Variants in ADAMTSL1 observed in about 807,000 individuals in gnomAD.
ADAMTSL1 encodes the protein ADAMTS-like protein 1.
In ADAMTSL1, 126 loss-of-function variants were observed where a neutral mutation model predicts 201.8. The ratio of observed to expected loss-of-function variants is 0.62; its 90% CI spans 0.54 to 0.72. ADAMTSL1 has a LOEUF of 0.72. ADAMTSL1 is among the 30% of genes least tolerant of loss of function. ADAMTSL1 has a pLI of 0.00. For missense variants in ADAMTSL1, 2,679 were observed against 2,277.8 expected (o/e 1.18, Z -3.59); for synonymous variants, 1,121 against 903.4 (o/e 1.24, Z -4.32).
At chr9:18,072,177 A>G (rs1005660695) in intron 1 of ADAMTSL1, among the ~76,000 whole-genome samples, 12 of 152,208 alleles carry the variant, frequency 7.9e-5, no homozygotes, top group Admixed American at 7.9e-4. Flanking sequence ...TAGTTGCAAA[A>G]GCAAAAATGG....
intron 1 of ADAMTSL1, among the ~76,000 whole-genome samples, chr9:18,066,812 A>C (rs1226524251): frequency 1.3e-5 from 2 of 152,230 alleles, no homozygotes; most frequent in African/African-American, 4.8e-5. Context: ...CAGCCATAAA[A>C]AATGATGAGT....
At chr9:18,791,565 A>C (rs1180094950) in intron 19 of ADAMTSL1, among the ~76,000 whole-genome samples, 6 of 152,178 alleles carry the variant, frequency 3.9e-5, no homozygotes, top group Non-Finnish European at 8.8e-5. Flanking sequence ...TTCTACTTCA[A>C]ATCCTGACTC....
intron 27 of ADAMTSL1, 89 bp downstream of exon 27, chr9:18,905,980 C>A: frequency 1.7e-6 from 2 of 1,192,488 alleles, no homozygotes; most frequent in Non-Finnish European, 2.4e-6. Context: ...CTCCAACTAA[C>A]TTACCACAGT....
intron 2 of ADAMTSL1, among the ~76,000 whole-genome samples, chr9:18,405,990 T>A (rs1038739676): frequency 6.6e-6 from 1 of 152,230 alleles, no homozygotes; most frequent in African/African-American, 2.4e-5. Flanking sequence ...TAAACCTGGT[T>A]GCTTAGCTCT....
At chr9:18,164,539 C>A (rs1463987650) in intron 2 of ADAMTSL1, among the ~76,000 whole-genome samples, 1 of 151,620 alleles carries the variant, frequency 6.6e-6, no homozygotes, top group Non-Finnish European at 1.5e-5. Flanking sequence ...AGGCCTTTCT[C>A]TGCTTGCGAA....
At chr9:18,664,712 C>T (rs1417701795) in intron 9 of ADAMTSL1, among the ~76,000 whole-genome samples, 1 of 152,016 alleles carries the variant, frequency 6.6e-6, no homozygotes, top group East Asian at 1.9e-4. Flanking sequence ...CCTATCAAGG[C>T]TTGCATGTGT....
At chr9:18,820,250 C>G (rs964335431) in intron 21 of ADAMTSL1, among the ~76,000 whole-genome samples, 3 of 152,144 alleles carry the variant, frequency 2.0e-5, no homozygotes, top group African/African-American at 7.2e-5. Flanking sequence ...TTCTCCTAAT[C>G]CAAGGAGCCA....
rs41305317 is a variant in ADAMTSL1 at position 18,474,356 on chromosome 9, T to G, written c.63+61T>G. The G allele has an allele frequency of 7.0e-4, 1,012 of 1,442,612 alleles. 1 individual carries two copies. The highest frequency in any genetic ancestry group is 1.6e-3 in the Admixed American group (96 of 58,296). The allele number at this position is 1,442,612 out of a possible 1,614,324, so 89.4% of individuals were successfully genotyped here. ...CATTGAGTCTGGGTGCTGTTGGGGG[T>G]GTGTGTGTGTATGTGTGTTTGTGTG... On this transcript the variant is annotated intron_variant, in intron 1 of 28. Coordinates refer to ENST00000380548, the MANE Select transcript of ADAMTSL1 (RefSeq NM_001040272.6).
intron 2 of ADAMTSL1, among the ~76,000 whole-genome samples, chr9:18,291,315 A>G (rs10963559): frequency 0.46 from 69,378 of 152,010 alleles, 16,777 homozygotes; most frequent in South Asian, 0.68. Context: ...AATAAGTCAG[A>G]ACGCTTCAAT....
chr9:18,164,890 C>T (rs183095069), intron 2 of ADAMTSL1, among the ~76,000 whole-genome samples: 60 of 151,960 alleles, frequency 3.9e-4, no homozygotes, highest in African/African-American at 1.3e-3. Context: ...TCTTCATTGC[C>T]ATTCACAAGG....
intron 2 of ADAMTSL1, among the ~76,000 whole-genome samples, chr9:18,267,781 C>CAA (rs1331435629): frequency 4.3e-4 from 60 of 138,716 alleles, no homozygotes; most frequent in African/African-American, 1.4e-3. Flanking sequence ...AAAACAAAAA[C>CAA]AAAAACAAAA....
chr9:18,568,053 G>C (rs931022561), intron 3 of ADAMTSL1, among the ~76,000 whole-genome samples: 11 of 152,020 alleles, frequency 7.2e-5, no homozygotes, highest in African/African-American at 2.4e-4. Flanking sequence ...ATATCTTATT[G>C]TACTGTGCTC....
intron 15 of ADAMTSL1, among the ~76,000 whole-genome samples, chr9:18,726,611 A>T (rs1030044464): frequency 1.3e-5 from 2 of 152,282 alleles, no homozygotes; most frequent in Admixed American, 1.3e-4. Context: ...TTTAAAAAAA[A>T]AAGTGTATGA....
intron 1 of ADAMTSL1, among the ~76,000 whole-genome samples, chr9:18,041,930 AC>A (rs1226958633): frequency 6.6e-6 from 1 of 152,104 alleles, no homozygotes; most frequent in African/African-American, 2.4e-5. Flanking sequence ...TTGCATATCA[AC>A]CTGAGTGTCC....
At chr9:18,756,076 A>T (rs1198308005) in intron 16 of ADAMTSL1, among the ~76,000 whole-genome samples, 1 of 80,698 alleles carries the variant, frequency 1.2e-5, no homozygotes, top group Non-Finnish European at 2.6e-5. Context: ...CTCTACTGAA[A>T]ATATATATAT....
chr9:18,437,720 C>G (rs912989231), intron 2 of ADAMTSL1, among the ~76,000 whole-genome samples: 10 of 152,094 alleles, frequency 6.6e-5, no homozygotes, highest in African/African-American at 2.4e-4. Flanking sequence ...AAACAAAGCT[C>G]TTGACCCAGA....
chr9:18,537,605 C>T (rs375013366), intron 3 of ADAMTSL1, among the ~76,000 whole-genome samples: 19 of 152,232 alleles, frequency 1.2e-4, no homozygotes, highest in African/African-American at 4.1e-4. Flanking sequence ...CACCATGGCT[C>T]ACACCTGTAA....
chr9:18,901,572 T>G (rs1830019755), intron 26 of ADAMTSL1, among the ~76,000 whole-genome samples: 1 of 152,182 alleles, frequency 6.6e-6, no homozygotes, highest in Non-Finnish European at 1.5e-5. Context: ...GAGTTTTGTA[T>G]GAAATTGATA....
At chr9:18,000,904 A>C (rs372686196) in intron 1 of ADAMTSL1, among the ~76,000 whole-genome samples, 2 of 152,076 alleles carry the variant, frequency 1.3e-5, no homozygotes, top group East Asian at 3.9e-4. Context: ...CACATTTTTC[A>C]AAACTTCAGT....
Sources: gnomAD v4.1 joint callset for allele counts (sites outside exome capture counted in the v4.1 genomes callset) on GRCh38, gnomAD v4.1.1 for gene constraint, MANE v1.5 for transcripts, NCBI Gene and HGNC (gene_info 2026-07-23, HGNC 2026-07-21) for gene names.